The following CEP295 variants were observed in gnomAD, a reference collection of about 807,000 sequenced individuals.
CEP295 encodes centrosomal protein 295, also known as centrosomal protein of 295 kDa.
CEP295 carries 190 observed loss-of-function variants against 291.6 expected under a neutral mutation model. The observed-to-expected ratio is 0.65, with a 90% CI of 0.58 to 0.73. The LOEUF (loss-of-function observed/expected upper bound fraction) is 0.73, where lower values mean the gene tolerates loss of function less well. CEP295 is among the 30% of genes least tolerant of loss of function. The pLI is 0.00. For missense variants in CEP295, 2,863 were observed against 2,949.4 expected (o/e 0.97, Z 0.68); for synonymous variants, 993 against 1,038.8 (o/e 0.96, Z 0.85).
rs748034951 is a variant in CEP295, at chr11:93,696,351, T to C, written c.1703T>C (p.Ile568Thr). 6.4e-7 allele frequency: 1 copy of C among 1,550,878 alleles called. No homozygotes were observed. The highest frequency in any genetic ancestry group is 8.7e-7 in the Non-Finnish European group (1 of 1,146,556). ...ATTGCTCCAGCATCATGCCCTGTAA[T>C]TTCTGATGAAGATAGTCATAGGCAG... ...VGIAPASCPVISDEDSHRQMI... is the reference protein window; with the variant it reads ...VGIAPASCPVTSDEDSHRQMI... Residue 568 changes from isoleucine to threonine, a missense_variant, in exon 14 of 30, where the codon ATT becomes ACT. Ile to Thr is a moderately conservative substitution (Grantham distance 89). Around this residue, in one of 3 missense-constraint regions of CEP295, gnomAD observed 2,295 missense variants for 2,335.7 expected, o/e 0.98. Coordinates refer to ENST00000325212, the MANE Select transcript of CEP295 (RefSeq NM_033395.2).
At chr11:93,677,232 C>T (rs1023338119) in intron 6 of CEP295, among the ~76,000 whole-genome samples, 14 of 152,120 alleles carry the variant, frequency 9.2e-5, no homozygotes, top group South Asian at 2.1e-4. Flanking sequence ...TGGAGGAGTA[C>T]GATATGATCT....
At chr11:93,702,680 C>T (rs1565192380) in intron 16 of CEP295, 43 bp downstream of exon 16, 1 of 1,529,882 alleles carries the variant, frequency 6.5e-7, no homozygotes, top group East Asian at 2.5e-5. Context: ...ACTGATTATT[C>T]CTTGTTTTCG....
intron 9 of CEP295, among the ~76,000 whole-genome samples, chr11:93,686,888 TAA>T (rs1951271150): frequency 6.6e-6 from 1 of 152,192 alleles, no homozygotes; most frequent in Non-Finnish European, 1.5e-5. Flanking sequence ...TTTTTTAATA[TAA>T]GTTAGACAAA....
chr11:93,714,527 G>A (rs913383206), intron 18 of CEP295, among the ~76,000 whole-genome samples: 1 of 152,216 alleles, frequency 6.6e-6, no homozygotes, highest in Non-Finnish European at 1.5e-5. Flanking sequence ...GGGATTACAG[G>A]CGTGAGCCAC....
intron 24 of CEP295, 97 bp from the exon 25 acceptor site, chr11:93,728,584 T>A: frequency 9.3e-7 from 1 of 1,077,248 alleles, no homozygotes. Context: ...TTCACATTTA[T>A]ATACACTTGC....
At chr11:93,688,642 C>G (rs928820376) in intron 10 of CEP295, among the ~76,000 whole-genome samples, 6 of 152,166 alleles carry the variant, frequency 3.9e-5, no homozygotes, top group African/African-American at 1.4e-4. Context: ...TCCATAATGA[C>G]TAACCATTGT....
In CEP295 at chr11:93,683,739, A is replaced by T; in HGVS notation, c.946A>T (p.Arg316Trp). 1 of 1,533,636 alleles carries T rather than the reference A, an allele frequency of 6.5e-7. No individual in the cohort carries two copies. Residue 316 changes from arginine to tryptophan, a missense_variant, in exon 8 of 30, where the codon AGG (arginine) becomes TGG (tryptophan). Transcript: ENST00000325212. ...CTTTGAAGATATGTACAATGCAGAC[A>T]GGAGTAAGATATTTTCAGTAGGGCT... ...FAFEDMYNAD[R>W]KVKGNLILHL...
chr11:93,687,688 T>C lies in CEP295; in HGVS notation c.1159T>C (p.Phe387Leu). The C allele has an allele frequency of 2.6e-6, 4 of 1,543,814 alleles. No individual in the cohort carries two copies. The highest frequency in any genetic ancestry group is 2.6e-6 in the Non-Finnish European group (3 of 1,141,670). ...CCAACAGATTCCTTCAAAAGTTCTTTTTAAAAAATTATTAAATAAGATCCG... is the reference window on the plus strand; with the variant it reads ...CCAACAGATTCCTTCAAAAGTTCTTCTTAAAAAATTATTAAATAAGATCCG... ...KTQQIPSKVL[F>L]KKLLNKIRSQ... The change falls in exon 10 of 30, where the codon TTT becomes CTT. Residue 387 changes from phenylalanine (F) to leucine (L), a missense_variant. Phe to Leu is a conservative substitution (Grantham distance 22). Transcript: ENST00000325212.
rs576523798 is a variant in CEP295 at position 93,727,651 on chromosome 11, G to T, written c.7161+14G>T. ...ATACCAGTCTGGGTAAGTGAAATCA[G>T]TGTTGTATAAATAACATTTAAATTC... On this transcript the variant is annotated intron_variant, in intron 24 of 29. Coordinates refer to ENST00000325212, the MANE Select transcript of CEP295 (RefSeq NM_033395.2). The T allele has an allele frequency of 5.3e-6, 8 of 1,496,104 alleles. No homozygotes were observed. In the African/African-American group the frequency reaches 1.0e-4, roughly 19 times the overall value. The allele number at this position is 1,496,104 out of a possible 1,614,324, so 92.7% of individuals were successfully genotyped here. A position where few individuals can be genotyped will look rare whatever the true frequency, so the allele number is the denominator to read the frequency against.
intron 20 of CEP295, 51 bp from the exon 21 acceptor site, chr11:93,722,990 G>A (rs1953861656): frequency 3.4e-6 from 5 of 1,491,732 alleles, no homozygotes; most frequent in African/African-American, 1.4e-5. Context: ...TTACAGGCGT[G>A]AGCCATCACG....
Position 93,729,437 on chromosome 11 carries a change from A to T in CEP295, c.7306A>T (p.Ser2436Cys). ...ENEAKCFFQVSEFLPLVSATE... is the reference protein window; with the variant it reads ...ENEAKCFFQVCEFLPLVSATE... ...CATGCAACTTTCTTGCCATTAGGTG[A>T]GTGAGTTTCTGCCTCTTGTATCAGC... Residue 2436 changes from serine to cysteine, a missense_variant, in exon 26 of 30, where the codon AGT becomes TGT. Physicochemically the swap from Ser to Cys is moderately radical, Grantham distance 112 (BLOSUM62 -1). This residue lies in a region of CEP295 where 2,295 missense variants were observed against 2,335.7 expected (regional missense o/e 0.98). Transcript: ENST00000325212. 6.5e-7 allele frequency: 1 copy of T among 1,547,146 alleles called. No individual in the cohort carries two copies. Among genetic ancestry groups the T allele is most frequent in the Non-Finnish European group, 8.8e-7 (1 of 1,142,656 alleles).
rs1034701463 is a variant in CEP295 at position 93,669,605 on chromosome 11, C to G, written c.435-72C>G. On this transcript the variant is annotated intron_variant, in intron 4 of 29. Transcript: ENST00000325212. Reference sequence around the variant, plus strand: ...GAGGATTTCTTGAGCCTATGACTTACATATTTTTAACCCTGTTGTACTATA... The same window carrying G: ...GAGGATTTCTTGAGCCTATGACTTAGATATTTTTAACCCTGTTGTACTATA... The G allele has an allele frequency of 3.1e-6, 3 of 973,938 alleles. No individual in the cohort carries two copies. In the African/African-American group the frequency reaches 4.9e-5, roughly 16 times the overall value. 60.3% of individuals were successfully genotyped at this position (973,938 alleles called of 1,614,324 possible).
At position 93,668,877 on chromosome 11, in the gene CEP295, G is replaced by C; in HGVS notation, c.379G>C (p.Glu127Gln). The C allele has an allele frequency of 6.9e-7, 1 of 1,444,066 alleles. No individual in the cohort carries two copies. Among genetic ancestry groups the C allele is most frequent in the Non-Finnish European group, 9.4e-7 (1 of 1,058,874 alleles). 89.5% of individuals were successfully genotyped at this position (1,444,066 alleles called of 1,614,324 possible). The change falls in exon 4 of 30, where the codon GAA becomes CAA. Residue 127 changes from glutamate to glutamine, a missense_variant. Glu to Gln is a conservative substitution (Grantham distance 29). Around this residue, in one of 3 missense-constraint regions of CEP295, gnomAD observed 554 missense variants for 576.0 expected, o/e 0.96. Transcript: ENST00000325212. The part of the protein sequence containing the change: ...RKRKADLRHK[E>Q]ALKVQKNQKE... Reference sequence around the variant, plus strand: ...AAGAAAAGCAGATTTGAGGCATAAAGAAGCCTTGAAAGTACAGAAAAATCA... The same window carrying C: ...AAGAAAAGCAGATTTGAGGCATAAACAAGCCTTGAAAGTACAGAAAAATCA...
intron 18 of CEP295, among the ~76,000 whole-genome samples, chr11:93,712,950 T>A (rs1008460760): frequency 1.2e-4 from 19 of 152,088 alleles, no homozygotes; most frequent in East Asian, 3.9e-4. Context: ...TTTTATTTTT[T>A]TTTTTGTATC....
At chr11:93,689,933 G>A (rs1210932171) in intron 10 of CEP295, among the ~76,000 whole-genome samples, 1 of 152,200 alleles carries the variant, frequency 6.6e-6, no homozygotes, top group African/African-American at 2.4e-5. Flanking sequence ...ACCACTTGGA[G>A]GGGAAATAAT....
At chr11:93,679,649 T>C in intron 7 of CEP295, 97 bp downstream of exon 7, 2 of 1,043,430 alleles carry the variant, frequency 1.9e-6, no homozygotes, top group Non-Finnish European at 2.7e-6. Context: ...GTAGGAAGGG[T>C]GGGTGTTCAA....
Position 93,697,286 on chromosome 11 carries a change from C to T in CEP295, c.2374C>T (p.Gln792Ter), listed in dbSNP as rs999565781. ...EPSSFVPLVP[Q>*]HSFSSLPVKV... ...TTCTTCATTTGTACCACTGGTACCT[C>T]AGCATTCTTTTAGTTCTCTGCCTGT... The change falls in exon 15 of 30, where the codon CAG becomes TAG. Residue 792 changes from glutamine (Q) to a stop codon, truncating the protein, a stop_gained. Coordinates refer to ENST00000325212, the MANE Select transcript of CEP295 (RefSeq NM_033395.2). LOFTEE classifies it high-confidence loss of function. 6.4e-7 allele frequency: 1 copy of T among 1,551,634 alleles called. No homozygotes were observed. The highest frequency in any genetic ancestry group is 1.4e-5 in the African/African-American group (1 of 73,048).
In CEP295 at chr11:93,663,376, C is replaced by A. The variant is rs542131220; in HGVS notation, c.-27+1602C>A. Among the ~76,000 whole-genome samples the A allele has an allele frequency of 1.2e-4, 18 of 152,326 alleles. No individual in the cohort carries two copies. In the East Asian group the frequency reaches 3.5e-3, roughly 29 times the overall value. ...GCTCCCTCCCATTTTCCCTCACACACGCATTTCTCCTAATAAAATATTTGC... is the reference window on the plus strand; with the variant it reads ...GCTCCCTCCCATTTTCCCTCACACAAGCATTTCTCCTAATAAAATATTTGC... On this transcript the variant is annotated intron_variant, in intron 1 of 29. Coordinates refer to ENST00000325212, the MANE Select transcript of CEP295 (RefSeq NM_033395.2).
chr11:93,683,900 T>A, intron 8 of CEP295, 64 bp from the exon 9 acceptor site: 3 of 1,507,940 alleles, frequency 2.0e-6, no homozygotes, highest in Non-Finnish European at 2.7e-6. Context: ...CCTTTGCATT[T>A]TTGTGATCCA....
Sources: allele counts gnomAD v4.1 joint callset (sites outside exome capture counted in the v4.1 genomes callset), GRCh38; gene constraint gnomAD v4.1.1; regional missense constraint gnomAD v4.1.1; transcripts MANE v1.5; gene names NCBI Gene and HGNC (gene_info 2026-07-23, HGNC 2026-07-21).